Variants in UBE2D2 observed in about 807,000 individuals in gnomAD.
UBE2D2 encodes the protein ubiquitin conjugating enzyme E2 D2.
A neutral mutation model predicts 24.2 loss-of-function variants in UBE2D2; 2 were observed. The ratio of observed to expected loss-of-function variants is 0.08; its 90% CI spans 0.03 to 0.26. UBE2D2 has a LOEUF of 0.26. UBE2D2 is among the 10% of genes least tolerant of loss of function. The pLI is 1.00. For missense variants in UBE2D2, 44 were observed against 177.6 expected (o/e 0.25, Z 4.28); for synonymous variants, 58 against 56.5 (o/e 1.03, Z -0.12).
At position 139,548,116 on chromosome 5, in the gene UBE2D2, A is replaced by G. The variant is rs745980880; in HGVS notation, c.-64+21504A>G. Among the ~76,000 whole-genome samples the G allele has an allele frequency of 1.4e-3, 191 of 137,812 alleles. 1 individual carries two copies. The highest frequency in any genetic ancestry group is 1.9e-3 in the Non-Finnish European group (119 of 63,934). The allele number at this position is 137,812 out of a possible 152,430, so 90.4% of individuals were successfully genotyped here. On this transcript the variant is annotated intron_variant, in intron 1 of 6. Transcript: ENST00000511725. The stretch of plus-strand genomic sequence containing the variant: ...GAGATCAAGGTTGCAGTGAGCTACA[A>G]TTGCACCACTGCATTCCAGCCTGGG...
At chr5:139,599,474 C>A (rs984239765) in intron 1 of UBE2D2, 2 of 151,888 alleles carry the variant, frequency 1.3e-5, no homozygotes, top group Non-Finnish European at 2.9e-5. Flanking sequence ...CGGTGGCTCA[C>A]GCCTGTAATC....
chr5:139,532,066 A>T (rs1752604166), intron 1 of UBE2D2, among the ~76,000 whole-genome samples: 1 of 151,580 alleles, frequency 6.6e-6, no homozygotes, highest in African/African-American at 2.4e-5. Context: ...TTGGTGGGGG[A>T]TGTAAATGAG....
intron 1 of UBE2D2, among the ~76,000 whole-genome samples, chr5:139,533,143 A>G (rs1432346034): frequency 6.6e-6 from 1 of 151,888 alleles, no homozygotes; most frequent in African/African-American, 2.4e-5. Context: ...TCAACTCCTC[A>G]ACTTAAATAT....
intron 1 of UBE2D2, among the ~76,000 whole-genome samples, chr5:139,595,980 G>A (rs560932004): frequency 4.8e-4 from 65 of 134,990 alleles, no homozygotes; most frequent in Admixed American, 1.2e-3. Context: ...TGCAACCTCC[G>A]CCTCCCTCGT....
At chr5:139,576,543 T>G (rs1402280396) in intron 1 of UBE2D2, among the ~76,000 whole-genome samples, 1 of 152,024 alleles carries the variant, frequency 6.6e-6, no homozygotes, top group African/African-American at 2.4e-5. Context: ...AAATTTTTTG[T>G]TTTTTAGTAG....
At chr5:139,626,077 CT>C (rs1033153315) in intron 6 of UBE2D2, among the ~76,000 whole-genome samples, 4 of 150,738 alleles carry the variant, frequency 2.7e-5, no homozygotes, top group South Asian at 4.2e-4. Context: ...TTTTTTCCCC[CT>C]TTTTTTTTGA....
At chr5:139,571,607 C>T (rs1032143652) in intron 1 of UBE2D2, among the ~76,000 whole-genome samples, 9 of 152,118 alleles carry the variant, frequency 5.9e-5, no homozygotes, top group African/African-American at 9.7e-5. Flanking sequence ...TACAGGCGAT[C>T]TTGACTGTAG....
intron 5 of UBE2D2, among the ~76,000 whole-genome samples, chr5:139,616,418 A>AATCAG (rs1216198958): frequency 6.6e-6 from 1 of 152,174 alleles, no homozygotes; most frequent in Non-Finnish European, 1.5e-5. Flanking sequence ...GTGAAAATGA[A>AATCAG]ATCAGTTGTT....
Position 139,600,404 on chromosome 5 carries a change from A to T in UBE2D2, c.57A>T (p.Ala19=). The change falls in exon 2 of 7, where the codon GCA becomes GCT. Residue 19 remains alanine (A), a synonymous_variant. Transcript: ENST00000398733. ...ELNDLARDPP[A]QCSAGPVGDD... The stretch of plus-strand genomic sequence containing the variant: ...ATGATCTGGCACGGGACCCTCCAGC[A>T]CAGTGTTCAGCAGGTCCTGTTGGAG... The T allele has an allele frequency of 6.2e-7, 1 of 1,614,146 alleles. No individual in the cohort carries two copies. The highest frequency in any genetic ancestry group is 8.5e-7 in the Non-Finnish European group (1 of 1,180,016).
rs35051568 is a variant in UBE2D2 at position 139,533,786 on chromosome 5, C to CTT, written c.-64+7187_-64+7188dup. On this transcript the variant is annotated intron_variant, in intron 1 of 6. Coordinates refer to the UBE2D2 transcript ENST00000511725. Reference sequence around the variant, plus strand: ...AATCTCAGCATAAATTAAAAAACATCTTTTTTTTTTTTTTGAGACGGAGTC... The same window carrying CTT: ...AATCTCAGCATAAATTAAAAAACATCTTTTTTTTTTTTTTTTGAGACGGAGTC... Among the ~76,000 whole-genome samples the CTT allele has an allele frequency of 5.0e-3, 722 of 145,306 alleles. 14 individuals carry two copies. The highest frequency in any genetic ancestry group is 0.045 in the South Asian group (202 of 4,494).
chr5:139,540,912 T>C (rs989219123), intron 1 of UBE2D2, among the ~76,000 whole-genome samples: 1 of 151,490 alleles, frequency 6.6e-6, no homozygotes, highest in Non-Finnish European at 1.5e-5. Flanking sequence ...GAGAATTGCT[T>C]GAACCTGGAG....
intron 1 of UBE2D2, among the ~76,000 whole-genome samples, chr5:139,586,929 T>A (rs1319227756): frequency 2.0e-5 from 3 of 152,170 alleles, no homozygotes; most frequent in African/African-American, 7.2e-5. Context: ...AAAATCTTTT[T>A]AGAGACAGAG....
At chr5:139,541,291 C>T (rs1349601236) in intron 1 of UBE2D2, among the ~76,000 whole-genome samples, 1 of 149,934 alleles carries the variant, frequency 6.7e-6, no homozygotes, top group African/African-American at 2.5e-5. Flanking sequence ...AAGTGAGACT[C>T]TGTTTCGAAG....
intron 1 of UBE2D2, among the ~76,000 whole-genome samples, chr5:139,576,378 C>T (rs770824928): frequency 5.9e-5 from 9 of 152,134 alleles, no homozygotes; most frequent in Non-Finnish European, 1.2e-4. Flanking sequence ...CTACATCACT[C>T]CAGCATCTGC....
chr5:139,590,818 G>A (rs1310311611), intron 1 of UBE2D2, among the ~76,000 whole-genome samples: 43 of 65,930 alleles, frequency 6.5e-4, no homozygotes, highest in African/African-American at 2.5e-3. Flanking sequence ...TTTTTGAGAT[G>A]TAGTCTTGCT....
At chr5:139,623,757 T>C in intron 6 of UBE2D2, 1 of 200,416 alleles carries the variant, frequency 5.0e-6, no homozygotes, top group South Asian at 1.5e-4. Context: ...AATGGTGCAG[T>C]CTTGGCTCAC....
At position 139,561,494 on chromosome 5, in the gene UBE2D2, G is replaced by C; in HGVS notation, c.-298G>C. The C allele has an allele frequency of 2.6e-6, 1 of 379,598 alleles. No individual in the cohort carries two copies. The highest frequency in any genetic ancestry group is 4.7e-6 in the Non-Finnish European group (1 of 212,364). The allele number at this position is 379,598 out of a possible 1,614,324, so 23.5% of individuals were successfully genotyped here. On this transcript the variant is annotated 5_prime_UTR_variant, in exon 1 of 7. Transcript: ENST00000398733. ...CTTTCTGGCGGAGGGATCTGCGGCG[G>C]TTTAGGAGGCGGCGCTGATCCTGGG...
chr5:139,553,216 A>G (rs1752943818), intron 1 of UBE2D2, among the ~76,000 whole-genome samples: 1 of 152,212 alleles, frequency 6.6e-6, no homozygotes, highest in Non-Finnish European at 1.5e-5. Flanking sequence ...AAATACCAGA[A>G]AAAGGGATCA....
intron 1 of UBE2D2, among the ~76,000 whole-genome samples, chr5:139,587,672 C>CAAAAA (rs766266617): frequency 5.6e-5 from 2 of 35,536 alleles, no homozygotes; most frequent in East Asian, 8.9e-4. Context: ...GACCCCATCT[C>CAAAAA]AAAAAAAAAA....
Sources: gnomAD v4.1 joint callset for allele counts (sites outside exome capture counted in the v4.1 genomes callset) on GRCh38, gnomAD v4.1.1 for gene constraint, MANE v1.5 for transcripts, NCBI Gene and HGNC (gene_info 2026-07-23, HGNC 2026-07-21) for gene names.